The following NOL10 variants were observed in gnomAD, a reference collection of about 807,000 sequenced individuals.
The protein encoded by NOL10 is nucleolar protein 10.
A neutral mutation model predicts 103.5 loss-of-function variants in NOL10; 58 were observed. The observed-to-expected ratio is 0.56, with a 90% CI of 0.45 to 0.70. The LOEUF (loss-of-function observed/expected upper bound fraction) is 0.70. NOL10 is among the 30% of genes least tolerant of loss of function. The pLI is 0.00. For missense variants in NOL10, 763 were observed against 807.3 expected (o/e 0.95, Z 0.67); for synonymous variants, 287 against 282.5 (o/e 1.02, Z -0.16).
intron 19 of NOL10, among the ~76,000 whole-genome samples, chr2:10,587,001 T>G (rs931533108): frequency 6.9e-6 from 1 of 145,216 alleles, no homozygotes; most frequent in African/African-American, 2.6e-5. Flanking sequence ...ATGTGTTAGG[T>G]CTAGACTTTC....
intron 13 of NOL10, among the ~76,000 whole-genome samples, chr2:10,611,441 A>G (rs1417359829): frequency 2.0e-5 from 3 of 152,224 alleles, no homozygotes; most frequent in Non-Finnish European, 4.4e-5. Context: ...CAAAATTATC[A>G]TGTATTCCTG....
At chr2:10,626,301 C>T (rs1054759276) in intron 13 of NOL10, among the ~76,000 whole-genome samples, 2 of 152,162 alleles carry the variant, frequency 1.3e-5, no homozygotes, top group African/African-American at 4.8e-5. Flanking sequence ...ACCAAGGACA[C>T]AGCAAAAAGC....
intron 11 of NOL10, among the ~76,000 whole-genome samples, chr2:10,655,213 AAAAAGAAAGAAAGGAAG>A (rs1679760129): frequency 6.6e-6 from 1 of 152,018 alleles, no homozygotes; most frequent in African/African-American, 2.4e-5. Context: ...GCCCAAAAAA[AAAAAGAAAGAAAGGAAG>A]AAAAGAAAGG....
chr2:10,604,635 A>G (rs1676150379), intron 14 of NOL10: 1 of 152,224 alleles, frequency 6.6e-6, no homozygotes, highest in South Asian at 2.1e-4. Context: ...ATTATAAAAT[A>G]CATATACCAG....
At chr2:10,598,113 T>C (rs535260337) in intron 17 of NOL10, among the ~76,000 whole-genome samples, 2 of 152,336 alleles carry the variant, frequency 1.3e-5, no homozygotes, top group East Asian at 3.9e-4. Flanking sequence ...ACGGTTCAAA[T>C]TTCAGTTATC....
Position 10,603,091 on chromosome 2 carries a change from C to G in NOL10, c.1220G>C (p.Arg407Thr). 6.2e-7 allele frequency: 1 copy of G among 1,608,966 alleles called. No individual in the cohort carries two copies. The highest frequency in any genetic ancestry group is 8.5e-7 in the Non-Finnish European group (1 of 1,177,088). ...AYMHGFFMDI[R>T]LYHKVKLMVN... ...TTTTCTGTTTACCTTGTGATAGAGT[C>G]TTATATCCATGAAAAACCCATGCAT... is the stretch of plus-strand genomic sequence containing the variant. The change falls in exon 15 of 21, where the codon AGA (arginine) becomes ACA (threonine). Residue 407 changes from arginine (R) to threonine (T), a missense_variant. By Grantham distance (71) the Arg-to-Thr change is moderately conservative. Transcript: ENST00000381685.
chr2:10,643,358 T>C (rs966380282), intron 13 of NOL10, among the ~76,000 whole-genome samples: 1 of 152,222 alleles, frequency 6.6e-6, no homozygotes, highest in African/African-American at 2.4e-5. Context: ...TTCACCTCCC[T>C]CAGATTCTGA....
rs144600201 is a variant in NOL10 at position 10,622,496 on chromosome 2, A to AAAAAAAAAAG, written c.1027-15186_1027-15185insCTTTTTTTTT. On this transcript the variant is annotated intron_variant, in intron 13 of 20. Transcript: ENST00000381685. Reference sequence around the variant, plus strand: ...TTAGTTAGAGCGTTTTTCAAAAAAAAAGAGAGAAGAAAAAATAAACACCCC... The same window carrying AAAAAAAAAAG: ...TTAGTTAGAGCGTTTTTCAAAAAAAAAAAAAAAAAGAGAGAGAAGAAAAAATAAACACCCC... Among the ~76,000 whole-genome samples, 2 of 148,792 alleles carry AAAAAAAAAAG rather than the reference A, an allele frequency of 1.3e-5. 1 individual carries two copies. The highest frequency in any genetic ancestry group is 3.0e-5 in the Non-Finnish European group (2 of 67,592).
At chr2:10,613,964 AT>A (rs1553301420) in intron 13 of NOL10, among the ~76,000 whole-genome samples, 97 of 132,354 alleles carry the variant, frequency 7.3e-4, no homozygotes, top group Admixed American at 1.3e-3. Flanking sequence ...CCCCATTAGA[AT>A]TTTTTTTTTT....
At chr2:10,640,622 C>T (rs1388785412) in intron 13 of NOL10, among the ~76,000 whole-genome samples, 1 of 152,066 alleles carries the variant, frequency 6.6e-6, no homozygotes, top group East Asian at 1.9e-4. Context: ...ATCATCCAGC[C>T]CCTCACACTT....
At chr2:10,601,637 T>C (rs1420551133) in intron 16 of NOL10, among the ~76,000 whole-genome samples, 1 of 152,042 alleles carries the variant, frequency 6.6e-6, no homozygotes. Context: ...CACGGCAAAA[T>C]TCTGTCTCTA....
chr2:10,587,271 A>ATTT (rs1193150888), intron 19 of NOL10, among the ~76,000 whole-genome samples: 1 of 21,018 alleles, frequency 4.8e-5, no homozygotes, highest in African/African-American at 2.1e-4. Context: ...ATATATATAT[A>ATTT]TATATTTTTT....
chr2:10,612,416 T>C (rs1476874557), intron 13 of NOL10, among the ~76,000 whole-genome samples: 2 of 152,242 alleles, frequency 1.3e-5, no homozygotes, highest in African/African-American at 4.8e-5. Context: ...AAGCCTTTCA[T>C]TATCTAACGT....
intron 3 of NOL10, among the ~76,000 whole-genome samples, chr2:10,681,433 G>GA (rs1193410793): frequency 6.6e-6 from 1 of 151,834 alleles, no homozygotes; most frequent in African/African-American, 2.4e-5. Context: ...TGTCTATATT[G>GA]AAAAAAAATC....
chr2:10,587,658 G>A (rs1321315534), intron 19 of NOL10, among the ~76,000 whole-genome samples: 1 of 151,914 alleles, frequency 6.6e-6, no homozygotes, highest in African/African-American at 2.4e-5. Flanking sequence ...CTTTATTCAT[G>A]GACATATCTT....
At chr2:10,678,610 A>G (rs1681496886) in intron 3 of NOL10, among the ~76,000 whole-genome samples, 1 of 152,160 alleles carries the variant, frequency 6.6e-6, no homozygotes, top group African/African-American at 2.4e-5. Context: ...ACATCCCCTG[A>G]GTTCATTCCC....
intron 19 of NOL10, among the ~76,000 whole-genome samples, chr2:10,582,282 G>A (rs1444343049): frequency 6.6e-6 from 1 of 152,198 alleles, no homozygotes; most frequent in African/African-American, 2.4e-5. Flanking sequence ...GCTACCCGGT[G>A]AAGAAGATGA....
Position 10,684,713 on chromosome 2 carries a change from A to T in NOL10, c.67-101T>A, listed in dbSNP as rs144102863. On this transcript the variant is annotated intron_variant, in intron 1 of 20. Transcript: ENST00000381685. ...GCTTATATTTAAAAATTCAAACTTC[A>T]TAGGAATATATAACATAGGAAGCAA... The T allele has an allele frequency of 5.8e-4, 466 of 809,010 alleles. 3 individuals are homozygous for T. In the African/African-American group the frequency reaches 7.4e-3, roughly 13 times the overall value. 50.1% of individuals were successfully genotyped at this position (809,010 alleles called of 1,614,324 possible). A position where few individuals can be genotyped will look rare whatever the true frequency, so the allele number is the denominator to read the frequency against.
intron 13 of NOL10, among the ~76,000 whole-genome samples, chr2:10,624,168 TTTTTC>T (rs1394378241): frequency 2.0e-5 from 3 of 151,816 alleles, no homozygotes; most frequent in East Asian, 1.9e-4. Context: ...CAGAAGTAGA[TTTTTC>T]TTTTCTTTTT....
Sources: allele counts gnomAD v4.1 joint callset (sites outside exome capture counted in the v4.1 genomes callset), GRCh38; gene constraint gnomAD v4.1.1; transcripts MANE v1.5; gene names NCBI Gene and HGNC (gene_info 2026-07-23, HGNC 2026-07-21).